Variants in UNC79 observed in about 807,000 individuals in gnomAD.
The protein encoded by UNC79 is protein unc-79 homolog.
Under a neutral mutation model 283.1 loss-of-function variants are expected in UNC79, and 37 were observed. The observed-to-expected ratio is 0.13, with a 90% CI of 0.10 to 0.17. UNC79 has a LOEUF of 0.17. UNC79 is among the 10% of genes least tolerant of loss of function. The pLI is 1.00. For missense variants in UNC79, 2,272 were observed against 3,211.1 expected (o/e 0.71, Z 7.07); for synonymous variants, 1,107 against 1,200.2 (o/e 0.92, Z 1.61).
chr14:93,454,650 T>C (rs1257966532), intron 1 of UNC79, among the ~76,000 whole-genome samples: 3 of 152,196 alleles, frequency 2.0e-5, no homozygotes, highest in African/African-American at 7.2e-5. Context: ...TACCAGCATA[T>C]AGTAAACATT....
intron 34 of UNC79, among the ~76,000 whole-genome samples, chr14:93,645,223 G>C (rs2069467281): frequency 6.6e-6 from 1 of 152,080 alleles, no homozygotes. Context: ...TCTTTTGTTT[G>C]TTTTAACATA....
chr14:93,355,597 T>A (rs188901858), intron 1 of UNC79, among the ~76,000 whole-genome samples: 1 of 152,188 alleles, frequency 6.6e-6, no homozygotes, highest in Non-Finnish European at 1.5e-5. Flanking sequence ...CCTCCCAAAG[T>A]ACTGGGATTA....
At chr14:93,431,191 G>C (rs1454834102) in intron 1 of UNC79, 140 bp downstream of exon 1, 2 of 412,346 alleles carry the variant, frequency 4.9e-6, no homozygotes, top group Admixed American at 7.5e-5. Context: ...GGGGGGTGGC[G>C]GAGAGAGAAG....
chr14:93,600,945 A>G (rs1273237152), intron 25 of UNC79, among the ~76,000 whole-genome samples, 175 bp downstream of exon 25: 1 of 152,196 alleles, frequency 6.6e-6, no homozygotes, highest in East Asian at 1.9e-4. Flanking sequence ...AGATTTAAGC[A>G]TATCCTGGCA....
chr14:93,580,100 T>C (rs1327889526), intron 18 of UNC79, 49 bp from the exon 19 acceptor site: 15 of 1,076,602 alleles, frequency 1.4e-5, no homozygotes, highest in South Asian at 1.9e-5. Context: ...CTTCTTCTTC[T>C]TTTTTTTTTG....
chr14:93,566,914 G>A (rs1173461197), intron 14 of UNC79, among the ~76,000 whole-genome samples: 2 of 152,136 alleles, frequency 1.3e-5, no homozygotes, highest in Non-Finnish European at 2.9e-5. Context: ...ACCACGCTCG[G>A]CCTGGAATTC....
chr14:93,561,380 G>A (rs1236316341), intron 14 of UNC79, among the ~76,000 whole-genome samples: 1 of 152,180 alleles, frequency 6.6e-6, no homozygotes, highest in Non-Finnish European at 1.5e-5. Context: ...AATGTCTGGG[G>A]AGGTCTTGCT....
intron 1 of UNC79, chr14:93,464,432 A>G (rs2057079490): frequency 2.3e-6 from 1 of 433,888 alleles, no homozygotes; most frequent in South Asian, 1.6e-5. Flanking sequence ...ATCTCCTCTT[A>G]AAAGGACAGC....
intron 14 of UNC79, among the ~76,000 whole-genome samples, chr14:93,547,141 G>A (rs1318822584): frequency 1.3e-5 from 2 of 152,090 alleles, no homozygotes; most frequent in South Asian, 2.1e-4. Context: ...TTTTGTCATT[G>A]TTGTCTACCA....
chr14:93,420,123 T>C (rs917158625), intron 1 of UNC79, among the ~76,000 whole-genome samples: 5 of 150,220 alleles, frequency 3.3e-5, no homozygotes, highest in African/African-American at 7.3e-5. Context: ...AATAATAACA[T>C]TGAATGTAAA....
chr14:93,405,973 T>C (rs1466873284), intron 1 of UNC79, among the ~76,000 whole-genome samples: 2 of 152,174 alleles, frequency 1.3e-5, no homozygotes, highest in Non-Finnish European at 2.9e-5. Context: ...TCCTGGGACA[T>C]TGATCTTTAA....
chr14:93,564,580 G>C (rs993519397), intron 14 of UNC79, among the ~76,000 whole-genome samples: 1 of 152,204 alleles, frequency 6.6e-6, no homozygotes, highest in Admixed American at 6.5e-5. Context: ...AATTTCACAC[G>C]CGTCCATGTG....
chr14:93,670,883 A>G (rs1189484188), intron 40 of UNC79, among the ~76,000 whole-genome samples: 1 of 152,238 alleles, frequency 6.6e-6, no homozygotes, highest in Non-Finnish European at 1.5e-5. Context: ...GGATTTTAGG[A>G]GTTGTATATC....
chr14:93,432,664 G>T (rs2055924096), intron 1 of UNC79, among the ~76,000 whole-genome samples: 1 of 151,916 alleles, frequency 6.6e-6, no homozygotes, highest in African/African-American at 2.4e-5. Flanking sequence ...AGAGGTTTTT[G>T]AAAAAAATTG....
chr14:93,660,555 ATATATATATGTGTGTGTGTG>A (rs1361792812), intron 39 of UNC79, among the ~76,000 whole-genome samples: 19 of 92,826 alleles, frequency 2.0e-4, no homozygotes, highest in African/African-American at 8.8e-4. Flanking sequence ...ATATATATAT[ATATATATATGTGTGTGTGTG>A]TGTGTTCATT....
intron 1 of UNC79, among the ~76,000 whole-genome samples, chr14:93,377,528 C>A (rs921516667): frequency 6.6e-5 from 10 of 152,150 alleles, no homozygotes; most frequent in Non-Finnish European, 1.3e-4. Flanking sequence ...TACCGGGATA[C>A]AATCTGAAGG....
chr14:93,573,371 C>T (rs1014711766), intron 16 of UNC79, among the ~76,000 whole-genome samples: 8 of 152,320 alleles, frequency 5.3e-5, no homozygotes, highest in East Asian at 3.9e-4. Flanking sequence ...TTGTCTGTCT[C>T]GCCACCTGAT....
intron 1 of UNC79, among the ~76,000 whole-genome samples, chr14:93,454,460 T>C (rs1426135919): frequency 7.5e-6 from 1 of 132,800 alleles, no homozygotes; most frequent in Non-Finnish European, 1.7e-5. Flanking sequence ...ATTAGTGTGC[T>C]AAAATGTGCA....
At chr14:93,694,562 T>G in intron 47 of UNC79, 150 bp downstream of exon 50, 2 of 726,592 alleles carry the variant, frequency 2.8e-6, no homozygotes, top group Non-Finnish European at 4.5e-6. Flanking sequence ...CTTTACCAAA[T>G]GGTTATTGCA....
Sources: gnomAD v4.1 joint callset for allele counts (sites outside exome capture counted in the v4.1 genomes callset) on GRCh38, gnomAD v4.1.1 for gene constraint, MANE v1.5 for transcripts, NCBI Gene and HGNC (gene_info 2026-07-23, HGNC 2026-07-21) for gene names.